TDRD7: variants seen among roughly 807,000 people sequenced by gnomAD.
The protein encoded by TDRD7 is tudor domain containing 7.
A neutral mutation model predicts 109.8 loss-of-function variants in TDRD7; 47 were observed. The ratio of observed to expected loss-of-function variants is 0.43; its 90% confidence interval spans 0.34 to 0.55. The LOEUF (loss-of-function observed/expected upper bound fraction) is 0.55, where lower values mean the gene tolerates loss of function less well. Ranked by LOEUF, TDRD7 falls within the 20% of genes least tolerant of loss-of-function variation. The pLI, the probability that TDRD7 is intolerant of heterozygous loss-of-function variation, is 0.03. For synonymous variants in TDRD7, 424 were observed against 457.3 expected, an observed-to-expected ratio of 0.93 and a Z score of 0.93; for missense variants, 1,164 against 1,319.2, an observed-to-expected ratio of 0.88 and a Z score of 1.82.
chr9:97,428,341 A>T, intron 1 of TDRD7, 119 bp from the exon 2 acceptor site: 1 of 1,000,066 alleles, frequency 1.0e-6, no homozygotes, highest in Non-Finnish European at 1.5e-6. Flanking sequence ...CCCATATTGT[A>T]ATTGCACAGA....
At chr9:97,482,777 G>A (rs1829136984) in intron 14 of TDRD7, 72 bp from the exon 15 acceptor site, 5 of 1,515,796 alleles carry the variant, frequency 3.3e-6, no homozygotes, top group African/African-American at 1.4e-5. Context: ...TAATGATTAA[G>A]GTTACTATAA....
At chr9:97,439,432 C>T in intron 5 of TDRD7, 114 bp downstream of exon 5, 3 of 882,002 alleles carry the variant, frequency 3.4e-6, no homozygotes, top group Non-Finnish European at 5.5e-6. Flanking sequence ...TATATCCTTC[C>T]TCCCCTTTTT....
chr9:97,453,571 G>A (rs985299519), intron 6 of TDRD7, among the ~76,000 whole-genome samples: 3 of 152,072 alleles, frequency 2.0e-5, no homozygotes, highest in African/African-American at 7.2e-5. Flanking sequence ...GAGCCACATG[G>A]GGAAGGGGAA....
intron 4 of TDRD7, among the ~76,000 whole-genome samples, chr9:97,436,176 A>G (rs1205603625): frequency 6.6e-6 from 1 of 152,180 alleles, no homozygotes; most frequent in East Asian, 1.9e-4. Flanking sequence ...TAAGGCTCCT[A>G]TTAAATTGTT....
At chr9:97,413,089 A>C (rs1827748365) in intron 1 of TDRD7, among the ~76,000 whole-genome samples, 1 of 152,098 alleles carries the variant, frequency 6.6e-6, no homozygotes, top group African/African-American at 2.4e-5. Context: ...AACCAAACCA[A>C]ACCAAAAAAC....
chr9:97,439,375 T>C, intron 5 of TDRD7, 57 bp downstream of exon 5: 2 of 1,428,586 alleles, frequency 1.4e-6, no homozygotes, highest in Non-Finnish European at 1.9e-6. Flanking sequence ...AAGAAACATA[T>C]CTGGTGGTGG....
chr9:97,472,910 G>A (rs1443977911), intron 10 of TDRD7, among the ~76,000 whole-genome samples: 1 of 152,058 alleles, frequency 6.6e-6, no homozygotes, highest in Non-Finnish European at 1.5e-5. Flanking sequence ...AGGATGAGAT[G>A]TTAAAAATGG....
At position 97,487,205 on chromosome 9, in the gene TDRD7, C is replaced by G. The variant is rs1829225486; in HGVS notation, c.2949C>G (p.Thr983=). The change falls in exon 16 of 17, where the codon ACC becomes ACG. Residue 983 remains threonine, a synonymous_variant. Coordinates refer to ENST00000355295, the MANE Select transcript of TDRD7 (RefSeq NM_014290.3). ...WHRVLLKGIL[T]NGLVSVYELD... is the part of the protein sequence containing the mutation. The stretch of plus-strand genomic sequence containing the variant: ...GGGTGCTTTTAAAAGGAATCCTGAC[C>G]AATGGACTGGTATCTGTGTATGAGC... The G allele has an allele frequency of 6.2e-7, 1 of 1,613,698 alleles. No individual in the cohort carries two copies. Among genetic ancestry groups the G allele is most frequent in the Non-Finnish European group, 8.5e-7 (1 of 1,179,910 alleles).
intron 16 of TDRD7, among the ~76,000 whole-genome samples, chr9:97,493,734 G>A (rs1011242690): frequency 2.0e-5 from 3 of 152,162 alleles, no homozygotes; most frequent in East Asian, 1.9e-4. Context: ...GGCCGCACCC[G>A]AAGCGGCCAT....
Position 97,460,424 on chromosome 9 carries a change from A to G in TDRD7, c.1102A>G (p.Met368Val), listed in dbSNP as rs961088321. The G allele has an allele frequency of 1.2e-6, 2 of 1,614,228 alleles. No individual in the cohort carries two copies. Among genetic ancestry groups the G allele is most frequent in the Non-Finnish European group, 1.7e-6 (2 of 1,180,038 alleles). ...ASALPKAFEE[M>V]YKVKFPEDAL... ...TGCACTTCCGAAAGCATTTGAGGAAATGTACAAAGTGAAATTCCCTGAGGA... is the reference window on the plus strand; with the variant it reads ...TGCACTTCCGAAAGCATTTGAGGAAGTGTACAAAGTGAAATTCCCTGAGGA... Residue 368 changes from methionine to valine, a missense_variant, in exon 7 of 17, where the codon ATG becomes GTG. Physicochemically the swap from Met to Val is conservative, Grantham distance 21. Transcript: ENST00000355295.
At chr9:97,413,414 T>TTA (rs149738281) in intron 1 of TDRD7, among the ~76,000 whole-genome samples, 4,323 of 152,308 alleles carry the variant, frequency 0.028, 141 homozygotes, top group East Asian at 0.11. Flanking sequence ...GGTACCTGGC[T>TTA]TACTTTGCAA....
intron 8 of TDRD7, among the ~76,000 whole-genome samples, chr9:97,467,577 TC>T (rs1404923529): frequency 6.6e-6 from 1 of 152,200 alleles, no homozygotes; most frequent in African/African-American, 2.4e-5. Context: ...AAGCTTACAT[TC>T]TAGTGAGAAG....
In TDRD7 at chr9:97,416,398, C is replaced by T. The variant is rs148440984; in HGVS notation, c.-7+4160C>T. Among the ~76,000 whole-genome samples, 295 of 152,306 alleles carry T rather than the reference C, an allele frequency of 1.9e-3. 3 individuals carry two copies. The highest frequency in any genetic ancestry group is 6.8e-3 in the African/African-American group (281 of 41,550). On this transcript the variant is annotated intron_variant, in intron 1 of 16. Coordinates refer to ENST00000355295, the MANE Select transcript of TDRD7 (RefSeq NM_014290.3). Reference sequence around the variant, plus strand: ...ATCCATTGGTCAATTAAACATATAACTACCAAAAGCTGTTGTGAATTTAAT... The same window carrying T: ...ATCCATTGGTCAATTAAACATATAATTACCAAAAGCTGTTGTGAATTTAAT...
chr9:97,440,440 G>A (rs1432673624), intron 5 of TDRD7, among the ~76,000 whole-genome samples: 1 of 152,202 alleles, frequency 6.6e-6, no homozygotes, highest in Non-Finnish European at 1.5e-5. Flanking sequence ...GGAAGGTCTG[G>A]CCAGTTATGA....
At chr9:97,466,091 C>A (rs1185540060) in intron 8 of TDRD7, among the ~76,000 whole-genome samples, 2 of 152,190 alleles carry the variant, frequency 1.3e-5, no homozygotes, top group Non-Finnish European at 2.9e-5. Context: ...AATACAAAAC[C>A]TTATTCCATG....
intron 6 of TDRD7, among the ~76,000 whole-genome samples, chr9:97,448,765 T>C (rs1171049828): frequency 2.6e-5 from 4 of 152,200 alleles, no homozygotes; most frequent in African/African-American, 9.7e-5. Context: ...AAATGAAATT[T>C]AGAACTTAAT....
chr9:97,425,563 G>A (rs188352368), intron 1 of TDRD7, among the ~76,000 whole-genome samples: 64 of 152,112 alleles, frequency 4.2e-4, no homozygotes, highest in Middle Eastern at 3.4e-3. Flanking sequence ...ATTGCCTAAC[G>A]ACACATTTCT....
intron 5 of TDRD7, among the ~76,000 whole-genome samples, chr9:97,441,162 TG>T (rs971770072): frequency 1.1e-4 from 16 of 152,196 alleles, no homozygotes; most frequent in Non-Finnish European, 2.9e-5. Flanking sequence ...AGGTGAAAAT[TG>T]ATCATAATAT....
At chr9:97,481,673 A>G (rs1829119018) in intron 14 of TDRD7, among the ~76,000 whole-genome samples, 1 of 152,192 alleles carries the variant, frequency 6.6e-6, no homozygotes, top group African/African-American at 2.4e-5. Context: ...ATGCTTAATT[A>G]TATACTATTC....
Sources: gnomAD v4.1 joint callset for allele counts (sites outside exome capture counted in the v4.1 genomes callset) on GRCh38, gnomAD v4.1.1 for gene constraint, MANE v1.5 for transcripts, NCBI Gene and HGNC (gene_info 2026-07-23, HGNC 2026-07-21) for gene names.